Variants in TET2 observed in about 807,000 individuals in gnomAD.
The protein encoded by TET2 is methylcytosine dioxygenase TET2.
In TET2, 299 loss-of-function variants were observed where a neutral mutation model predicts 142.9. The ratio of observed to expected loss-of-function variants is 2.09; its 90% confidence interval spans 1.90 to 2.30. TET2 has a LOEUF of 2.30. Ranked by LOEUF, TET2 falls within the 30% of genes most tolerant of loss-of-function variation. The pLI is 0.00. For missense variants in TET2, 2,418 were observed against 2,378.0 expected (o/e 1.02, Z -0.35); for synonymous variants, 819 against 849.0 (o/e 0.96, Z 0.61).
rs760280015 is a variant in TET2, at chr4:105,234,160, G to A, written c.218G>A (p.Arg73His). 1.5e-5 allele frequency: 24 copies of A among 1,614,028 alleles called. No individual in the cohort carries two copies. The highest frequency in any genetic ancestry group is 1.0e-4 in the Admixed American group (6 of 60,006). ...IPCMKGSQNSRVSPDFTQESR... is the reference protein window; with the variant it reads ...IPCMKGSQNSHVSPDFTQESR... ...TGTATGAAGGGAAGCCAGAATAGTC[G>A]TGTGAGTCCTGACTTTACACAAGAA... The change falls in exon 3 of 11, where the codon CGT (arginine) becomes CAT (histidine). Residue 73 changes from arginine (R) to histidine (H), a missense_variant. Arg to His is a conservative substitution (Grantham distance 29). Coordinates refer to ENST00000380013, the MANE Select transcript of TET2 (RefSeq NM_001127208.3).
chr4:105,278,889 TCCCTTAAACAGGCAAACACCTA>T lies in TET2; in HGVS notation c.*2372_*2393del, dbSNP rs1229626198. ...TGAAGGTACATACTCCATGTGGACT[TCCCTTAAACAGGCAAACACCTA>T]CAGGTATGGTGTGCAACAGATTGTA... is the stretch of plus-strand genomic sequence containing the variant. On this transcript the variant is annotated 3_prime_UTR_variant, in exon 11 of 11. Coordinates refer to ENST00000380013, the MANE Select transcript of TET2 (RefSeq NM_001127208.3). 4.3e-6 allele frequency: 1 copy of T among 233,044 alleles called. No homozygotes were observed. The highest frequency in any genetic ancestry group is 8.5e-6 in the Non-Finnish European group (1 of 117,934). The allele number at this position is 233,044 out of a possible 1,614,324, so 14.4% of individuals were successfully genotyped here.
intron 3 of TET2, chr4:105,237,822 T>G (rs1461048431): frequency 2.3e-5 from 26 of 1,107,592 alleles, no homozygotes; most frequent in Non-Finnish European, 2.6e-5. Flanking sequence ...AATTATTATC[T>G]TCAGTCTTCA....
Position 105,275,057 on chromosome 4 carries a change from G to T in TET2, c.4547G>T (p.Arg1516Leu), listed in dbSNP as rs777692532. ...SQAKQLAELLRLSGPVMQQSQ... is the reference protein window; with the variant it reads ...SQAKQLAELLLLSGPVMQQSQ... ...CTTACCCTGTCCACAGAACTTTTGC[G>T]ACTTTCAGGACCAGTCATGCAGCAG... The change falls in exon 11 of 11, where the codon CGA becomes CTA. Residue 1516 changes from arginine (R) to leucine (L), a missense_variant. Transcript: ENST00000380013. 1.3e-6 allele frequency: 2 copies of T among 1,526,878 alleles called. No homozygotes were observed. Among genetic ancestry groups the T allele is most frequent in the South Asian group, 2.5e-5 (2 of 79,552 alleles). 94.6% of individuals were successfully genotyped at this position (1,526,878 alleles called of 1,614,324 possible).
intron 2 of TET2, among the ~76,000 whole-genome samples, chr4:105,193,660 GAGA>G (rs1725915805): frequency 6.6e-6 from 1 of 152,132 alleles, no homozygotes; most frequent in Non-Finnish European, 1.5e-5. Context: ...AGAGATAAAA[GAGA>G]GGAGTCAAAG....
At chr4:105,208,969 C>T (rs145734341) in intron 2 of TET2, among the ~76,000 whole-genome samples, 2 of 147,048 alleles carry the variant, frequency 1.4e-5, no homozygotes, top group African/African-American at 4.9e-5. Context: ...GAACACAAAG[C>T]GCATGCCAGT....
chr4:105,230,531 G>C (rs1049322610), intron 2 of TET2, among the ~76,000 whole-genome samples: 20 of 152,112 alleles, frequency 1.3e-4, no homozygotes, highest in Non-Finnish European at 2.6e-4. Context: ...ACTAATTGGA[G>C]AAGAGAAAAA....
chr4:105,233,892 T>C lies in TET2; in HGVS notation c.-46-5T>C. The C allele has an allele frequency of 6.6e-7, 1 of 1,509,074 alleles. No individual in the cohort carries two copies. Among genetic ancestry groups the C allele is most frequent in the Non-Finnish European group, 9.0e-7 (1 of 1,114,284 alleles). The allele number at this position is 1,509,074 out of a possible 1,614,324, so 93.5% of individuals were successfully genotyped here. ...CATTTTAATTTTTGTTTCCATGCTC[T>C]TTAGAATTCAACTAGAGGGCAGCCT... On this transcript the variant is annotated splice_region_variant and splice_polypyrimidine_tract_variant and intron_variant, in intron 2 of 10. Coordinates refer to ENST00000380013, the MANE Select transcript of TET2 (RefSeq NM_001127208.3).
intron 7 of TET2, among the ~76,000 whole-genome samples, chr4:105,261,228 T>A (rs1730410568): frequency 6.6e-6 from 1 of 152,118 alleles, no homozygotes; most frequent in Non-Finnish European, 1.5e-5. Context: ...ATTTCCCCTT[T>A]CAAGTAAATT....
intron 2 of TET2, among the ~76,000 whole-genome samples, chr4:105,198,686 A>G (rs1389021187): frequency 1.3e-5 from 2 of 152,198 alleles, no homozygotes; most frequent in Non-Finnish European, 2.9e-5. Flanking sequence ...GTAGGCTGAA[A>G]AAATGAACAT....
intron 9 of TET2, among the ~76,000 whole-genome samples, chr4:105,271,300 C>T (rs1498126): frequency 1.3e-5 from 2 of 151,954 alleles, no homozygotes; most frequent in African/African-American, 4.8e-5. Flanking sequence ...GTACTCAGCA[C>T]CTGCTCATTA....
chr4:105,209,806 G>C (rs1420684348), intron 2 of TET2, among the ~76,000 whole-genome samples: 1 of 152,152 alleles, frequency 6.6e-6, no homozygotes, highest in South Asian at 2.1e-4. Context: ...GTGTGGAAGA[G>C]ATGGTGTTCA....
intron 1 of TET2, among the ~76,000 whole-genome samples, chr4:105,153,116 A>G (rs1723391976): frequency 6.6e-6 from 1 of 152,220 alleles, no homozygotes; most frequent in Admixed American, 6.5e-5. Context: ...TTAATTATAG[A>G]TTCATATGCC....
chr4:105,237,542 T>TAA, intron 3 of TET2, 191 bp downstream of exon 3: 1 of 1,548,908 alleles, frequency 6.5e-7, no homozygotes, highest in South Asian at 1.3e-5. Context: ...GAACTTCACT[T>TAA]ACATGCAGTT....
At chr4:105,187,916 A>C (rs532891298) in intron 1 of TET2, among the ~76,000 whole-genome samples, 1 of 152,340 alleles carries the variant, frequency 6.6e-6, no homozygotes, top group South Asian at 2.1e-4. Flanking sequence ...GGAATGTAAA[A>C]AGGTGCAGCC....
In TET2 at chr4:105,204,012, C is replaced by T. The variant is rs562009855; in HGVS notation, c.-47+13507C>T. ...GGTCAGGAGTTTGAGACCAGCCTAG[C>T]CAATATGGCGAAACCCTCTCTACTA... is the stretch of plus-strand genomic sequence containing the variant. On this transcript the variant is annotated intron_variant, in intron 2 of 10. Coordinates refer to ENST00000380013, the MANE Select transcript of TET2 (RefSeq NM_001127208.3). 2.4e-3 allele frequency among the ~76,000 whole-genome samples: 361 copies of T among 152,022 alleles called. 3 individuals are homozygous for T. The highest frequency in any genetic ancestry group is 2.9e-3 in the South Asian group (14 of 4,810).
Position 105,234,919 on chromosome 4 carries a change from AATCAGTT to A in TET2, c.978_984del (p.Lys326AsnfsTer19). The A allele has an allele frequency of 6.2e-7, 1 of 1,614,064 alleles. No individual in the cohort carries two copies. Among genetic ancestry groups the A allele is most frequent in the Non-Finnish European group, 8.5e-7 (1 of 1,180,002 alleles). ...AAACCAGAACAACTACAACAACAAAAATCAGTTTTTGAGATATGCCCATCTCCTGCAG... is the reference window on the plus strand; with the variant it reads ...AAACCAGAACAACTACAACAACAAAATTTGAGATATGCCCATCTCCTGCAG... On this transcript the variant is annotated frameshift_variant, in exon 3 of 11. Coordinates refer to ENST00000380013, the MANE Select transcript of TET2 (RefSeq NM_001127208.3). LOFTEE classifies it high-confidence loss of function.
chr4:105,279,439 C>CTA lies in TET2; in HGVS notation c.*2925_*2926dup. ...TGCTAATATAGGAATATCAGGTTGA[C>CTA]TATATAGCCATACTTGAAAATGCTT... is the stretch of plus-strand genomic sequence containing the variant. On this transcript the variant is annotated 3_prime_UTR_variant, in exon 11 of 11. Transcript: ENST00000380013. 4.3e-6 allele frequency: 1 copy of CTA among 232,590 alleles called. No individual in the cohort carries two copies. The highest frequency in any genetic ancestry group is 6.1e-5 in the East Asian group (1 of 16,440). 14.4% of individuals were successfully genotyped at this position (232,590 alleles called of 1,614,324 possible).
intron 2 of TET2, among the ~76,000 whole-genome samples, chr4:105,224,684 GTC>G (rs34870510): frequency 0.088 from 9,473 of 107,982 alleles, 627 homozygotes; most frequent in African/African-American, 0.19. Context: ...ATATCAGCCA[GTC>G]TCTCTCTCTC....
Position 105,237,031 on chromosome 4 carries a change from A to G in TET2, c.3089A>G (p.Gln1030Arg), listed in dbSNP as rs1728979634. 7 of 1,614,202 alleles carry G rather than the reference A, an allele frequency of 4.3e-6. No individual in the cohort carries two copies. The highest frequency in any genetic ancestry group is 4.5e-5 in the East Asian group (2 of 44,876). ...QQKSIIETME[Q>R]HLKQFHAKSL... ...AAGAGCATCATTGAGACCATGGAGC[A>G]GCATCTGAAGCAGTTTCACGCCAAG... Residue 1030 changes from glutamine to arginine, a missense_variant, in exon 3 of 11, where the codon CAG becomes CGG. Gln to Arg is a conservative substitution (Grantham distance 43). Coordinates refer to ENST00000380013, the MANE Select transcript of TET2 (RefSeq NM_001127208.3).
Sources: gnomAD v4.1 joint callset for allele counts (sites outside exome capture counted in the v4.1 genomes callset) on GRCh38, gnomAD v4.1.1 for gene constraint, MANE v1.5 for transcripts, NCBI Gene and HGNC (gene_info 2026-07-23, HGNC 2026-07-21) for gene names.